CNTN6: variants seen among roughly 807,000 people sequenced by gnomAD.
CNTN6 encodes the protein contactin 6, also known as contactin-6.
Under a neutral mutation model 122.8 loss-of-function variants are expected in CNTN6, and 137 were observed. That is an observed-to-expected ratio of 1.12 (90% CI 0.97 to 1.29). CNTN6 has a LOEUF of 1.29. Ranked by LOEUF, CNTN6 falls within the 50% of genes most tolerant of loss-of-function variation. The pLI, the probability that CNTN6 is intolerant of heterozygous loss-of-function variation, is 0.00. For missense variants in CNTN6, 1,634 were observed against 1,223.4 expected (o/e 1.34, Z -5.01); for synonymous variants, 570 against 426.0 (o/e 1.34, Z -4.16).
chr3:1,258,548 G>T (rs1439502162), intron 4 of CNTN6, among the ~76,000 whole-genome samples: 2 of 152,112 alleles, frequency 1.3e-5, no homozygotes, highest in African/African-American at 2.4e-5. Context: ...TGGTTTGTGT[G>T]TGAGGGATTG....
chr3:1,362,069 G>A (rs896505476), intron 12 of CNTN6, among the ~76,000 whole-genome samples: 1 of 152,088 alleles, frequency 6.6e-6, no homozygotes, highest in African/African-American at 2.4e-5. Flanking sequence ...ACATCTGAAG[G>A]ACTATGTCCT....
chr3:1,398,455 A>C (rs2126253337), intron 20 of CNTN6, among the ~76,000 whole-genome samples: 1 of 152,260 alleles, frequency 6.6e-6, no homozygotes, highest in African/African-American at 2.4e-5. Flanking sequence ...AAGTAAGAGC[A>C]ATATTATTAA....
intron 1 of CNTN6, among the ~76,000 whole-genome samples, chr3:1,123,878 G>T (rs545079599): frequency 6.6e-6 from 1 of 151,904 alleles, no homozygotes; most frequent in African/African-American, 2.4e-5. Context: ...TTTTCTGAAT[G>T]TTTTTATCAT....
chr3:1,390,737 C>T (rs1694007677), intron 20 of CNTN6, among the ~76,000 whole-genome samples: 1 of 151,706 alleles, frequency 6.6e-6, no homozygotes. Context: ...ACCACCAATC[C>T]CACAGAAATA....
intron 2 of CNTN6, among the ~76,000 whole-genome samples, chr3:1,169,331 G>T (rs1038165466): frequency 6.6e-6 from 1 of 152,178 alleles, no homozygotes; most frequent in Non-Finnish European, 1.5e-5. Context: ...TGTGGGGAAG[G>T]AGGGGACATT....
chr3:1,165,445 C>T (rs931022912), intron 2 of CNTN6, among the ~76,000 whole-genome samples: 29 of 152,124 alleles, frequency 1.9e-4, no homozygotes, highest in Admixed American at 1.8e-3. Context: ...TGCTGCAGAA[C>T]CAGATAGATT....
At chr3:1,245,197 G>GATATATAT (rs1217220571) in intron 4 of CNTN6, among the ~76,000 whole-genome samples, 6 of 20,206 alleles carry the variant, frequency 3.0e-4, no homozygotes, top group African/African-American at 1.0e-3. Flanking sequence ...AAGAAAATGT[G>GATATATAT]ATATATATAT....
intron 2 of CNTN6, among the ~76,000 whole-genome samples, chr3:1,210,308 G>A (rs935554976): frequency 1.3e-5 from 2 of 151,390 alleles, no homozygotes; most frequent in Non-Finnish European, 2.9e-5. Flanking sequence ...AAAATTTTGT[G>A]ACTTGACAGG....
rs138442490 is a variant in CNTN6, at chr3:1,159,556, G to A, written c.55+11493G>A. Among the ~76,000 whole-genome samples, 145 of 151,964 alleles carry A rather than the reference G, an allele frequency of 9.5e-4. No individual in the cohort carries two copies. In the Middle Eastern group the frequency reaches 0.01, roughly 11 times the overall value. On this transcript the variant is annotated intron_variant, in intron 2 of 22. Transcript: ENST00000446702. ...CAGAAAGTAAAACTGTGGATAAGGC[G>A]GGACTATTATATATAGAATTTTTTT...
At chr3:1,181,534 T>A (rs1646647043) in intron 2 of CNTN6, among the ~76,000 whole-genome samples, 1 of 152,200 alleles carries the variant, frequency 6.6e-6, no homozygotes, top group African/African-American at 2.4e-5. Context: ...ATGAGCCGAA[T>A]AACACAAACA....
intron 1 of CNTN6, among the ~76,000 whole-genome samples, chr3:1,130,713 G>T (rs1026919318): frequency 6.6e-6 from 1 of 152,032 alleles, no homozygotes; most frequent in Non-Finnish European, 1.5e-5. Flanking sequence ...TTTTGGGGGG[G>T]ATCTCAAATG....
At chr3:1,251,375 C>G (rs1299172963) in intron 4 of CNTN6, among the ~76,000 whole-genome samples, 1 of 152,186 alleles carries the variant, frequency 6.6e-6, no homozygotes, top group Non-Finnish European at 1.5e-5. Flanking sequence ...CTATAATTCA[C>G]GAATCCTAAC....
At chr3:1,135,317 G>T (rs1326823655) in intron 1 of CNTN6, among the ~76,000 whole-genome samples, 4 of 152,250 alleles carry the variant, frequency 2.6e-5, no homozygotes, top group Middle Eastern at 3.4e-3. Context: ...TCCTATTTCT[G>T]TGAGGTCAAG....
At chr3:1,256,035 A>C (rs1378814835) in intron 4 of CNTN6, among the ~76,000 whole-genome samples, 1 of 151,882 alleles carries the variant, frequency 6.6e-6, no homozygotes, top group Non-Finnish European at 1.5e-5. Flanking sequence ...TATCCGGCTA[A>C]TTTTTAAGAT....
intron 16 of CNTN6, among the ~76,000 whole-genome samples, chr3:1,376,769 G>A (rs1187426193): frequency 6.6e-6 from 1 of 152,086 alleles, no homozygotes; most frequent in African/African-American, 2.4e-5. Flanking sequence ...AATACCCGAT[G>A]TTACTCAATT....
At chr3:1,260,340 C>G (rs553514695) in intron 4 of CNTN6, among the ~76,000 whole-genome samples, 2 of 152,212 alleles carry the variant, frequency 1.3e-5, no homozygotes, top group East Asian at 3.9e-4. Context: ...TCAGTACTTA[C>G]TATGCAACAT....
chr3:1,366,116 C>A (rs73094920), intron 12 of CNTN6, among the ~76,000 whole-genome samples: 2 of 152,034 alleles, frequency 1.3e-5, no homozygotes, highest in Admixed American at 1.3e-4. Flanking sequence ...GAGGAGCTCA[C>A]GTTTTGAATG....
At chr3:1,309,274 A>G (rs1698858374) in intron 7 of CNTN6, among the ~76,000 whole-genome samples, 1 of 152,026 alleles carries the variant, frequency 6.6e-6, no homozygotes, top group South Asian at 2.1e-4. Context: ...TATGTTTTGC[A>G]TTTTCATTGA....
intron 2 of CNTN6, among the ~76,000 whole-genome samples, chr3:1,149,203 G>C (rs929544199): frequency 6.6e-6 from 1 of 151,698 alleles, no homozygotes; most frequent in Non-Finnish European, 1.5e-5. Context: ...TAATTACTGA[G>C]CTTAATTGTC....
Sources: gnomAD v4.1 joint callset for allele counts (sites outside exome capture counted in the v4.1 genomes callset) on GRCh38, gnomAD v4.1.1 for gene constraint, MANE v1.5 for transcripts, NCBI Gene and HGNC (gene_info 2026-07-23, HGNC 2026-07-21) for gene names.